The following RLF variants were observed in gnomAD, a reference collection of about 807,000 sequenced individuals.
RLF encodes zinc finger protein Rlf.
Under a neutral mutation model 162.9 loss-of-function variants are expected in RLF, and 7 were observed. The observed-to-expected ratio is 0.04, with a 90% confidence interval of 0.02 to 0.08. The LOEUF is 0.08. Among genes scored for constraint, RLF ranks in the 10% least tolerant of loss-of-function variants. The pLI is 1.00. For missense variants in RLF, 1,664 were observed against 2,244.7 expected (o/e 0.74, Z 5.23); for synonymous variants, 782 against 791.5 (o/e 0.99, Z 0.20).
intron 1 of RLF, among the ~76,000 whole-genome samples, chr1:40,168,207 C>T (rs1386452747): frequency 2.0e-5 from 3 of 152,030 alleles, no homozygotes; most frequent in Admixed American, 6.6e-5. Flanking sequence ...AGAGTGAGAC[C>T]TTGTCTCAAT....
chr1:40,191,042 G>T (rs1488516475), intron 3 of RLF, among the ~76,000 whole-genome samples, 189 bp downstream of exon 3: 1 of 152,056 alleles, frequency 6.6e-6, no homozygotes, highest in Non-Finnish European at 1.5e-5. Context: ...ATTTGGTTTT[G>T]TTTGCCTCTA....
rs1383822824 is a variant in RLF at position 40,238,405 on chromosome 1, C to A, written c.3703C>A (p.Pro1235Thr). The part of the protein sequence containing the change: ...GDCSAELGGD[P>T]SSNSEKPHCH... ...TTGTTCTGCAGAACTTGGAGGTGAT[C>A]CCAGTAGTAACTCTGAGAAACCACA... Residue 1235 changes from proline to threonine, a missense_variant, in exon 8 of 8, where the codon CCC (proline) becomes ACC (threonine). By Grantham distance (38) the Pro-to-Thr change is conservative (BLOSUM62 -1). This residue lies in a region of RLF where 102 missense variants were observed against 109.5 expected (regional missense o/e 0.93). Transcript: ENST00000372771. The surrounding 1 kb of genome is among the most constrained non-coding windows in gnomAD (Gnocchi z 5.2). 4 of 1,613,932 alleles carry A rather than the reference C, an allele frequency of 2.5e-6. No individual in the cohort carries two copies. Among genetic ancestry groups the A allele is most frequent in the Middle Eastern group, 1.6e-4 (1 of 6,084 alleles).
chr1:40,230,114 CAAAA>C (rs755590266), intron 6 of RLF, among the ~76,000 whole-genome samples: 1 of 107,514 alleles, frequency 9.3e-6, no homozygotes. Context: ...AGCTCCGTCT[CAAAA>C]AAAAAAAAAA....
At chr1:40,192,526 C>T (rs1240022949) in intron 3 of RLF, among the ~76,000 whole-genome samples, 2 of 152,110 alleles carry the variant, frequency 1.3e-5, no homozygotes, top group African/African-American at 4.8e-5. Flanking sequence ...CAACCTCTAT[C>T]CTTTTTAGAG....
chr1:40,209,571 C>G (rs1642840838), intron 5 of RLF, among the ~76,000 whole-genome samples: 1 of 152,176 alleles, frequency 6.6e-6, no homozygotes, highest in Admixed American at 6.5e-5. Flanking sequence ...ATGACTTCAT[C>G]TACATTTTTA....
chr1:40,186,947 A>G (rs1642489468), intron 1 of RLF, among the ~76,000 whole-genome samples: 1 of 152,190 alleles, frequency 6.6e-6, no homozygotes, highest in Non-Finnish European at 1.5e-5. Flanking sequence ...TAATTCTTAG[A>G]TTAGCCAATG....
At chr1:40,186,598 G>C (rs570709543) in intron 1 of RLF, among the ~76,000 whole-genome samples, 2 of 152,282 alleles carry the variant, frequency 1.3e-5, no homozygotes, top group South Asian at 4.1e-4. Flanking sequence ...TATGCACTCT[G>C]TCCTTCTCTT....
chr1:40,233,738 A>T (rs1259816735), intron 7 of RLF, among the ~76,000 whole-genome samples: 3 of 152,326 alleles, frequency 2.0e-5, no homozygotes, highest in Non-Finnish European at 4.4e-5. Context: ...AAAAAGCTAG[A>T]GTCTCAGCTC....
chr1:40,204,493 A>C (rs1187214818), intron 5 of RLF, among the ~76,000 whole-genome samples: 3 of 152,178 alleles, frequency 2.0e-5, no homozygotes, highest in Admixed American at 6.5e-5. Context: ...TGCAGCCTCA[A>C]AATCCTGGGC....
chr1:40,240,601 T>C lies in RLF; in HGVS notation c.*154T>C. The C allele has an allele frequency of 1.7e-6, 1 of 606,014 alleles. No individual in the cohort carries two copies. Among genetic ancestry groups the C allele is most frequent in the South Asian group, 2.1e-5 (1 of 46,704 alleles). 37.5% of individuals were successfully genotyped at this position (606,014 alleles called of 1,614,324 possible). On this transcript the variant is annotated 3_prime_UTR_variant, in exon 8 of 8. Transcript: ENST00000372771. ...TGTATAATATCTATGTCAGCAGTAT[T>C]GGCTGAGTCCATTAGCTCTCCAGTT... is the stretch of plus-strand genomic sequence containing the variant.
chr1:40,226,711 G>A (rs1643083396), intron 6 of RLF, among the ~76,000 whole-genome samples: 1 of 151,932 alleles, frequency 6.6e-6, no homozygotes, highest in African/African-American at 2.4e-5. Context: ...GCCTTTTTTA[G>A]GGGATGATCA....
chr1:40,186,988 A>C (rs1407450969), intron 1 of RLF, among the ~76,000 whole-genome samples: 2 of 152,088 alleles, frequency 1.3e-5, no homozygotes, highest in Admixed American at 6.5e-5. Flanking sequence ...GACCTAAACC[A>C]GAATTTTTTT....
chr1:40,238,794 C>T lies in RLF; in HGVS notation c.4092C>T (p.Cys1364=), dbSNP rs931423939. 5.6e-6 allele frequency: 9 copies of T among 1,612,428 alleles called. No homozygotes were observed. The Admixed American group carries it at 1.2e-4, about 21-fold the overall frequency. Residue 1364 remains cysteine (C), a synonymous_variant, in exon 8 of 8, where the codon TGC becomes TGT. Coordinates refer to ENST00000372771, the MANE Select transcript of RLF (RefSeq NM_012421.4). The surrounding 1 kb of genome is among the most constrained non-coding windows in gnomAD (Gnocchi z 5.2). ...TCAAATGTAAAAAGATATTTGCTTG[C>T]AAATATAAGGAATGTAATAAACGCT... The part of the protein sequence containing the change: ...ELVKCKKIFA[C]KYKECNKRFL...
intron 1 of RLF, among the ~76,000 whole-genome samples, chr1:40,188,342 G>T (rs376684322): frequency 5.9e-5 from 9 of 152,094 alleles, no homozygotes; most frequent in Admixed American, 3.9e-4. Context: ...TTTTCTTTTG[G>T]TTTAGATTCA....
intron 7 of RLF, among the ~76,000 whole-genome samples, chr1:40,232,321 T>G (rs1365570715): frequency 6.6e-6 from 1 of 152,182 alleles, no homozygotes; most frequent in Non-Finnish European, 1.5e-5. Flanking sequence ...AAATCTTTAA[T>G]AAAGGTACTA....
intron 5 of RLF, among the ~76,000 whole-genome samples, chr1:40,213,449 A>G (rs1642888020): frequency 6.6e-6 from 1 of 152,208 alleles, no homozygotes; most frequent in South Asian, 2.1e-4. Context: ...AGAAATATAC[A>G]AGGTCCGTGC....
chr1:40,234,361 A>G (rs1643191939), intron 7 of RLF, among the ~76,000 whole-genome samples: 2 of 152,164 alleles, frequency 1.3e-5, no homozygotes, highest in Admixed American at 1.3e-4. Flanking sequence ...TACGTGCAAA[A>G]AAGTTTATTT....
chr1:40,174,149 G>T (rs1274021140), intron 1 of RLF, among the ~76,000 whole-genome samples: 25 of 152,010 alleles, frequency 1.6e-4, no homozygotes, highest in Admixed American at 1.6e-3. Context: ...GAGGCGGGTG[G>T]ATCATGAGGT....
intron 3 of RLF, among the ~76,000 whole-genome samples, chr1:40,194,769 G>A (rs76376710): frequency 0.052 from 7,894 of 151,750 alleles, 600 homozygotes; most frequent in African/African-American, 0.17. Context: ...TCAGGAAAAC[G>A]TTTTAAAGGC....
Sources: allele counts gnomAD v4.1 joint callset (sites outside exome capture counted in the v4.1 genomes callset), GRCh38; gene constraint gnomAD v4.1.1; regional missense constraint gnomAD v4.1.1; non-coding constraint Gnocchi (gnomAD v3.1); transcripts MANE v1.5; gene names NCBI Gene and HGNC (gene_info 2026-07-23, HGNC 2026-07-21).